DLGAP3: variants seen among roughly 807,000 people sequenced by gnomAD.
The protein encoded by DLGAP3 is DLG associated protein 3, also known as disks large-associated protein 3.
DLGAP3 carries 17 observed loss-of-function variants against 81.2 expected under a neutral mutation model. The ratio of observed to expected loss-of-function variants is 0.21; its 90% CI spans 0.14 to 0.31. The LOEUF is 0.31. Ranked by LOEUF, DLGAP3 falls within the 10% of genes least tolerant of loss-of-function variation. The pLI, the probability that DLGAP3 is intolerant of heterozygous loss-of-function variation, is 1.00. For missense variants in DLGAP3, 1,124 were observed against 1,388.0 expected, an observed-to-expected ratio of 0.81 and a Z score of 3.02; for synonymous variants, 577 against 587.4, an observed-to-expected ratio of 0.98 and a Z score of 0.26.
chr1:34,905,405 T>G lies in DLGAP3; in HGVS notation c.-22A>C, dbSNP rs142723687. The G allele has an allele frequency of 6.5e-7, 1 of 1,545,758 alleles. No homozygotes were observed. The highest frequency in any genetic ancestry group is 8.7e-7 in the Non-Finnish European group (1 of 1,144,528). On this transcript the variant is annotated 5_prime_UTR_variant, in exon 3 of 12. The change abolishes an upstream ATG in the 5' untranslated region. Coordinates refer to ENST00000373347, the MANE Select transcript of DLGAP3 (RefSeq NM_001080418.3). ...TCATGGCCTCAGCAAAGGCTCTTCA[T>G]AGTCTTGGGGGCCAGGCCCCAGGAA...
intron 1 of DLGAP3, chr1:34,925,422 G>A (rs1639858429): frequency 6.6e-6 from 1 of 152,642 alleles, no homozygotes; most frequent in Non-Finnish European, 1.5e-5. Context: ...GAGGCAGAGA[G>A]AGGTAGCTCC....
intron 5 of DLGAP3, among the ~76,000 whole-genome samples, chr1:34,887,495 A>C (rs1639252332): frequency 6.6e-6 from 1 of 152,222 alleles, no homozygotes. Flanking sequence ...TGAAGACTAA[A>C]TATACCACAG....
At chr1:34,908,996 C>T (rs117636451) in intron 1 of DLGAP3, among the ~76,000 whole-genome samples, 1 of 152,242 alleles carries the variant, frequency 6.6e-6, no homozygotes, top group African/African-American at 2.4e-5. Flanking sequence ...AAGCCTGGTC[C>T]TTCATCCATG....
intron 4 of DLGAP3, 91 bp downstream of exon 4, chr1:34,899,977 T>TACCTGACTGGC (rs1553123232): frequency 1.7e-6 from 2 of 1,174,728 alleles, no homozygotes; most frequent in East Asian, 5.0e-5. Context: ...TAAGCAGGAC[T>TACCTGACTGGC]ACCTGACTGG....
Position 34,873,845 on chromosome 1 carries a change from T to C in DLGAP3, c.2001-4756A>G, listed in dbSNP as rs1325840301. On this transcript the variant is annotated intron_variant, in intron 8 of 11. Transcript: ENST00000373347. The surrounding 1 kb of genome is among the most constrained non-coding windows in gnomAD (Gnocchi z 4.2). The stretch of plus-strand genomic sequence containing the variant: ...GTTGGTTGGTTGGTTGGTTGGTTGG[T>C]TGGTTGGAAGGAAGGATGGTAGAGA... Among the ~76,000 whole-genome samples, 1 of 151,912 alleles carries C rather than the reference T, an allele frequency of 6.6e-6. No homozygotes were observed. Among genetic ancestry groups the C allele is most frequent in the Non-Finnish European group, 1.5e-5 (1 of 67,980 alleles).
intron 5 of DLGAP3, among the ~76,000 whole-genome samples, chr1:34,898,849 C>T (rs993358106): frequency 2.0e-5 from 3 of 152,168 alleles, no homozygotes; most frequent in Non-Finnish European, 2.9e-5. Context: ...TTATAAAATG[C>T]CATTTTTGGG....
At chr1:34,911,500 G>C (rs1053573410) in intron 1 of DLGAP3, among the ~76,000 whole-genome samples, 3 of 152,194 alleles carry the variant, frequency 2.0e-5, no homozygotes, top group Non-Finnish European at 4.4e-5. Flanking sequence ...TGCCCGAATG[G>C]TGAAGCTGGG....
intron 7 of DLGAP3, 27 bp from the exon 8 acceptor site, chr1:34,885,090 G>A: frequency 1.3e-6 from 2 of 1,596,978 alleles, no homozygotes; most frequent in East Asian, 2.2e-5. Flanking sequence ...GGAGTCAGTG[G>A]CTGTGGCGAG....
intron 5 of DLGAP3, among the ~76,000 whole-genome samples, chr1:34,889,403 T>C (rs150151169): frequency 1.1e-4 from 16 of 152,306 alleles, no homozygotes; most frequent in African/African-American, 2.9e-4. Flanking sequence ...CCTACAGTTA[T>C]AAAACTGTAA....
intron 1 of DLGAP3, among the ~76,000 whole-genome samples, chr1:34,910,613 C>T (rs992183195): frequency 1.3e-5 from 2 of 152,164 alleles, no homozygotes; most frequent in Admixed American, 6.5e-5. Flanking sequence ...GGGCCTATTC[C>T]CCCTGTTGGG....
intron 1 of DLGAP3, among the ~76,000 whole-genome samples, chr1:34,910,235 T>C (rs962201006): frequency 6.6e-6 from 1 of 152,220 alleles, no homozygotes; most frequent in African/African-American, 2.4e-5. Context: ...TTTAAACCAC[T>C]GTTGGCCAGA....
intron 1 of DLGAP3, among the ~76,000 whole-genome samples, chr1:34,923,980 T>C (rs80184469): frequency 1.3e-5 from 2 of 152,276 alleles, no homozygotes; most frequent in East Asian, 1.9e-4. Flanking sequence ...GAATATTTGA[T>C]TGTGCTCTTG....
chr1:34,920,274 C>T (rs1382080384), intron 1 of DLGAP3, among the ~76,000 whole-genome samples: 1 of 152,202 alleles, frequency 6.6e-6, no homozygotes, highest in African/African-American at 2.4e-5. Flanking sequence ...CCCTGCATCA[C>T]TGACAGGGTG....
intron 5 of DLGAP3, among the ~76,000 whole-genome samples, chr1:34,888,473 G>A (rs1639267128): frequency 6.6e-6 from 1 of 152,156 alleles, no homozygotes; most frequent in Admixed American, 6.5e-5. Context: ...CCACCCCAAG[G>A]ATCTGAACCC....
intron 5 of DLGAP3, among the ~76,000 whole-genome samples, chr1:34,894,996 T>C (rs1297980814): frequency 6.6e-6 from 1 of 152,238 alleles, no homozygotes; most frequent in Non-Finnish European, 1.5e-5. Flanking sequence ...TTATTCCATA[T>C]TGTATTCATA....
At chr1:34,899,855 G>C in intron 4 of DLGAP3, 114 bp from the exon 5 acceptor site, 2 of 1,095,618 alleles carry the variant, frequency 1.8e-6, no homozygotes, top group Non-Finnish European at 2.8e-6. Context: ...CCCCCAAAGA[G>C]AGATCCCTTA....
At chr1:34,901,328 A>C (rs755450932) in intron 3 of DLGAP3, among the ~76,000 whole-genome samples, 26 of 152,142 alleles carry the variant, frequency 1.7e-4, no homozygotes, top group Non-Finnish European at 2.8e-4. Context: ...GAGTGGGCAG[A>C]GGGGTAGGAG....
In DLGAP3 at chr1:34,872,240, C is replaced by T. The variant is rs117872243; in HGVS notation, c.2001-3151G>A. Among the ~76,000 whole-genome samples the T allele has an allele frequency of 3.4e-4, 51 of 152,222 alleles. 1 individual carries two copies. The East Asian group carries it at 8.1e-3, about 24-fold the overall frequency. On this transcript the variant is annotated intron_variant, in intron 8 of 11. Transcript: ENST00000373347. ...AGGAATGGGCAGCTAACATGGAAAA[C>T]GCAGCCGGTTAAGAATGAAAGGTGC... is the stretch of plus-strand genomic sequence containing the variant.
Position 34,904,628 on chromosome 1 carries a change from C to T in DLGAP3, c.756G>A (p.Arg252=), listed in dbSNP as rs1349983916. The change falls in exon 3 of 12, where the codon CGG becomes CGA. Residue 252 remains arginine (R), a synonymous_variant. Coordinates refer to ENST00000373347, the MANE Select transcript of DLGAP3 (RefSeq NM_001080418.3). The surrounding 1 kb of genome is among the most constrained non-coding windows in gnomAD (Gnocchi z 8.1). ...ACCAGCCTGTGGACTTGGCCTGGTGCCGCCCATCCCCCTTGCGGTCCTTGC... is the reference window on the plus strand; with the variant it reads ...ACCAGCCTGTGGACTTGGCCTGGTGTCGCCCATCCCCCTTGCGGTCCTTGC... ...SKSKDRKGDG[R]HQAKSTGWWS... The T allele has an allele frequency of 1.9e-6, 3 of 1,614,200 alleles. No individual in the cohort carries two copies. The East Asian group carries it at 6.7e-5, about 36-fold the overall frequency.
Sources: allele counts gnomAD v4.1 joint callset (sites outside exome capture counted in the v4.1 genomes callset), GRCh38; gene constraint gnomAD v4.1.1; non-coding constraint Gnocchi (gnomAD v3.1); transcripts MANE v1.5; gene names NCBI Gene and HGNC (gene_info 2026-07-23, HGNC 2026-07-21).